The following HDAC9 variants were observed in gnomAD, a reference collection of about 807,000 sequenced individuals.
HDAC9 encodes histone deacetylase 9, also known as MEF-2 interacting transcription repressor (MITR) protein.
Under a neutral mutation model 139.4 loss-of-function variants are expected in HDAC9, and 41 were observed. The observed-to-expected ratio is 0.29, with a 90% CI of 0.23 to 0.38. The LOEUF (loss-of-function observed/expected upper bound fraction) is 0.38. Among genes scored for constraint, HDAC9 ranks in the 10% least tolerant of loss-of-function variants. The pLI, the probability that HDAC9 is intolerant of heterozygous loss-of-function variation, is 1.00. For missense variants in HDAC9, 1,147 were observed against 1,297.0 expected (o/e 0.88, Z 1.78); for synonymous variants, 517 against 476.2 (o/e 1.09, Z -1.12).
intron 1 of HDAC9, among the ~76,000 whole-genome samples, chr7:18,131,268 G>C (rs1784982832): frequency 6.6e-6 from 1 of 152,096 alleles, no homozygotes; most frequent in Admixed American, 6.6e-5. Flanking sequence ...TTTAAAAATA[G>C]AACATTGATG....
intron 22 of HDAC9, among the ~76,000 whole-genome samples, chr7:18,920,670 C>T (rs1803623673): frequency 6.6e-6 from 1 of 152,110 alleles, no homozygotes; most frequent in Non-Finnish European, 1.5e-5. Context: ...TATGTCCCAT[C>T]AATACCTAAT....
intron 1 of HDAC9, among the ~76,000 whole-genome samples, chr7:18,479,984 CTTTTTTTT>C: frequency 8.6e-6 from 1 of 116,172 alleles, no homozygotes; most frequent in East Asian, 2.5e-4. Context: ...TCCACTCTGT[CTTTTTTTT>C]TTTTTTTTTT....
At chr7:18,653,336 G>A (rs1325852330) in intron 11 of HDAC9, among the ~76,000 whole-genome samples, 1 of 151,418 alleles carries the variant, frequency 6.6e-6, no homozygotes. Flanking sequence ...TAAAATTTGA[G>A]TTAATTACTT....
chr7:18,382,893 ATGTATATG>A (rs1785567755), intron 1 of HDAC9, among the ~76,000 whole-genome samples: 1 of 152,212 alleles, frequency 6.6e-6, no homozygotes, highest in Non-Finnish European at 1.5e-5. Context: ...ATGAGTGTGT[ATGTATATG>A]TATATAAATG....
At chr7:18,885,787 G>C (rs1158177939) in intron 22 of HDAC9, among the ~76,000 whole-genome samples, 2 of 152,044 alleles carry the variant, frequency 1.3e-5, no homozygotes, top group African/African-American at 4.8e-5. Flanking sequence ...AAATTTTCCA[G>C]GTCAGAAAAG....
intron 1 of HDAC9, among the ~76,000 whole-genome samples, chr7:18,119,580 G>C (rs1784232799): frequency 6.6e-6 from 1 of 152,240 alleles, no homozygotes. Flanking sequence ...CAGGAAGAGA[G>C]ATTGAGGAGC....
At chr7:18,516,823 T>C (rs1446854237) in intron 2 of HDAC9, among the ~76,000 whole-genome samples, 1 of 142,582 alleles carries the variant, frequency 7.0e-6, no homozygotes, top group African/African-American at 2.7e-5. Context: ...ATCGTGCCAT[T>C]GCACTCCAGC....
In HDAC9 at chr7:18,629,497, G is replaced by GA; in HGVS notation, c.796+16_796+17insA. On this transcript the variant is annotated intron_variant, in intron 7 of 25. Coordinates refer to ENST00000686413, the MANE Select transcript of HDAC9 (RefSeq NM_178425.4). ...GAGGTGACAGGTAATTGAGGACTGGGCAGACCTATGAATGCTGGGAGTAGG... is the reference window on the plus strand; with the variant it reads ...GAGGTGACAGGTAATTGAGGACTGGGACAGACCTATGAATGCTGGGAGTAGG... The GA allele has an allele frequency of 6.2e-7, 1 of 1,607,184 alleles. No individual in the cohort carries two copies. The highest frequency in any genetic ancestry group is 8.5e-7 in the Non-Finnish European group (1 of 1,176,272).
At chr7:18,526,167 G>A (rs1472462317) in intron 2 of HDAC9, among the ~76,000 whole-genome samples, 1 of 152,104 alleles carries the variant, frequency 6.6e-6, no homozygotes, top group African/African-American at 2.4e-5. Context: ...TATCACATGA[G>A]CTTTGTAATT....
At chr7:18,740,762 C>G (rs1280175071) in intron 13 of HDAC9, among the ~76,000 whole-genome samples, 1 of 152,202 alleles carries the variant, frequency 6.6e-6, no homozygotes, top group Non-Finnish European at 1.5e-5. Context: ...AGCTGGGCCT[C>G]TTGTGCTGGT....
intron 24 of HDAC9, among the ~76,000 whole-genome samples, chr7:18,968,168 G>T (rs1054966234): frequency 1.3e-5 from 2 of 151,918 alleles, no homozygotes; most frequent in Admixed American, 6.6e-5. Flanking sequence ...ACCTAAAAAA[G>T]AAAGAAAGAA....
chr7:18,426,950 CTTTCTTTTTT>C (rs943982321), intron 1 of HDAC9, among the ~76,000 whole-genome samples: 2 of 152,014 alleles, frequency 1.3e-5, no homozygotes, highest in African/African-American at 4.8e-5. Flanking sequence ...GGGCTGTTTT[CTTTCTTTTTT>C]TTTCTTTTTA....
intron 1 of HDAC9, among the ~76,000 whole-genome samples, chr7:18,311,850 C>T (rs968375294): frequency 6.6e-6 from 1 of 152,170 alleles, no homozygotes; most frequent in Non-Finnish European, 1.5e-5. Context: ...CATTTGAAGG[C>T]ATCCTTTTAT....
At chr7:18,970,883 G>T (rs914953723) in intron 24 of HDAC9, among the ~76,000 whole-genome samples, 2 of 152,140 alleles carry the variant, frequency 1.3e-5, no homozygotes, top group Non-Finnish European at 2.9e-5. Flanking sequence ...GGATTTCTGG[G>T]GTCAGGAAGT....
intron 1 of HDAC9, among the ~76,000 whole-genome samples, chr7:18,149,694 G>T (rs1000488979): frequency 1.3e-5 from 2 of 151,884 alleles, no homozygotes; most frequent in South Asian, 4.2e-4. Flanking sequence ...GGGACTATAG[G>T]TGCCCACCAC....
At chr7:18,951,410 G>C (rs1385386520) in intron 23 of HDAC9, among the ~76,000 whole-genome samples, 1 of 151,880 alleles carries the variant, frequency 6.6e-6, no homozygotes, top group East Asian at 1.9e-4. Context: ...AATTAAGCTG[G>C]ATGAGAGCTT....
chr7:18,701,585 TA>T (rs949106451), intron 12 of HDAC9, among the ~76,000 whole-genome samples: 13 of 152,210 alleles, frequency 8.5e-5, no homozygotes, highest in African/African-American at 2.9e-4. Flanking sequence ...TGCATATTTT[TA>T]ATAGAAAATA....
intron 2 of HDAC9, among the ~76,000 whole-genome samples, chr7:18,190,369 A>G (rs1054432190): frequency 6.6e-6 from 1 of 152,244 alleles, no homozygotes; most frequent in Non-Finnish European, 1.5e-5. Flanking sequence ...TTATGGGCAT[A>G]TGTATTTGTG....
At chr7:18,557,409 T>TGTAAA (rs1819170025) in intron 2 of HDAC9, among the ~76,000 whole-genome samples, 1 of 151,278 alleles carries the variant, frequency 6.6e-6, no homozygotes, top group African/African-American at 2.4e-5. Context: ...TCCCTAAGTT[T>TGTAAA]TCTTTATTAC....
Sources: allele counts gnomAD v4.1 joint callset (sites outside exome capture counted in the v4.1 genomes callset), GRCh38; gene constraint gnomAD v4.1.1; transcripts MANE v1.5; gene names NCBI Gene and HGNC (gene_info 2026-07-23, HGNC 2026-07-21).